The following PGCKA1 variants were observed in gnomAD, a reference collection of about 807,000 sequenced individuals.
PGCKA1 encodes PDCD10 and GCKIII kinases-associated protein 1.
the PGCKA1 span, among the ~76,000 whole-genome samples, chr4:37,534,514 T>C: frequency 1.4e-4 from 21 of 152,242 alleles, no homozygotes; most frequent in Non-Finnish European, 2.6e-4. Context: ...AGCTTCCTTA[T>C]GGAATTTACA....
At chr4:37,513,991 C>G in the PGCKA1 span, among the ~76,000 whole-genome samples, 54 of 152,254 alleles carry the variant, frequency 3.5e-4, no homozygotes, top group South Asian at 0.01. Flanking sequence ...AACAGAACAC[C>G]CTGGGACTGC....
chr4:37,591,678 C>G, the PGCKA1 span: 1 of 152,170 alleles, frequency 6.6e-6, no homozygotes, highest in Non-Finnish European at 1.5e-5. Flanking sequence ...TTTAAATCTC[C>G]TTTGGGATTG....
the PGCKA1 span, among the ~76,000 whole-genome samples, chr4:37,488,323 C>A: frequency 6.6e-5 from 10 of 152,092 alleles, no homozygotes. Flanking sequence ...GTGGGAGAAT[C>A]AAGATTTGGA....
chr4:37,520,320 A>T, the PGCKA1 span, among the ~76,000 whole-genome samples: 1 of 152,168 alleles, frequency 6.6e-6, no homozygotes, highest in African/African-American at 2.4e-5. Context: ...GAATAGCTTG[A>T]GTAGCGTTGG....
the PGCKA1 span, among the ~76,000 whole-genome samples, chr4:37,568,679 C>T: frequency 1.3e-5 from 2 of 152,238 alleles, no homozygotes; most frequent in Admixed American, 6.5e-5. Flanking sequence ...GTTCACAAAC[C>T]ACTGGGCGTG....
chr4:37,579,534 A>G, the PGCKA1 span, among the ~76,000 whole-genome samples: 1 of 152,266 alleles, frequency 6.6e-6, no homozygotes, highest in Non-Finnish European at 1.5e-5. Flanking sequence ...TGCCACAAAC[A>G]CTATTCCAGT....
the PGCKA1 span, among the ~76,000 whole-genome samples, chr4:37,580,527 A>G: frequency 2.6e-5 from 4 of 152,182 alleles, no homozygotes; most frequent in Non-Finnish European, 4.4e-5. Flanking sequence ...TTGCAGACTC[A>G]TAGAGGTATC....
chr4:37,521,567 T>A, the PGCKA1 span, among the ~76,000 whole-genome samples: 3 of 152,322 alleles, frequency 2.0e-5, no homozygotes, highest in African/African-American at 7.2e-5. Context: ...ATTATTTCTA[T>A]TTTTTTAAAT....
At chr4:37,543,321 G>A in the PGCKA1 span, among the ~76,000 whole-genome samples, 1 of 152,188 alleles carries the variant, frequency 6.6e-6, no homozygotes, top group African/African-American at 2.4e-5. Flanking sequence ...ATTTGGGTTA[G>A]AGGAATTTTA....
At chr4:37,487,987 T>C in the PGCKA1 span, among the ~76,000 whole-genome samples, 3 of 152,190 alleles carry the variant, frequency 2.0e-5, no homozygotes, top group Non-Finnish European at 2.9e-5. Flanking sequence ...TTTGGGGCTA[T>C]TATGAATAAA....
chr4:37,508,474 G>A, the PGCKA1 span, among the ~76,000 whole-genome samples: 1 of 151,742 alleles, frequency 6.6e-6, no homozygotes, highest in African/African-American at 2.4e-5. Flanking sequence ...TCATCTGTTT[G>A]ACCAATTCTG....
At chr4:37,517,679 G>A in the PGCKA1 span, among the ~76,000 whole-genome samples, 3 of 152,204 alleles carry the variant, frequency 2.0e-5, no homozygotes, top group South Asian at 2.1e-4. Context: ...TTGTGATACA[G>A]GCATGCAATG....
At chr4:37,538,697 C>T in the PGCKA1 span, among the ~76,000 whole-genome samples, 876 of 152,300 alleles carry the variant, frequency 5.8e-3, 13 homozygotes, top group African/African-American at 0.02. Context: ...TGATGCCTTG[C>T]AGATTATCAT....
chr4:37,530,083 T>G, the PGCKA1 span, among the ~76,000 whole-genome samples: 1,256 of 152,318 alleles, frequency 8.2e-3, 14 homozygotes, highest in African/African-American at 0.029. Flanking sequence ...TTTAAAACTT[T>G]TTATCTTCCA....
the PGCKA1 span, among the ~76,000 whole-genome samples, chr4:37,516,982 C>T: frequency 9.9e-5 from 15 of 152,170 alleles, no homozygotes; most frequent in African/African-American, 3.1e-4. Context: ...GTAGGCCAGG[C>T]GCTGTGGCTC....
At chr4:37,470,635 C>T in the PGCKA1 span, among the ~76,000 whole-genome samples, 1 of 152,260 alleles carries the variant, frequency 6.6e-6, no homozygotes, top group East Asian at 1.9e-4. Context: ...GAAGATGGCT[C>T]AGAAGCTTCA....
the PGCKA1 span, among the ~76,000 whole-genome samples, chr4:37,481,416 G>A: frequency 0.01 from 1,428 of 136,676 alleles, 20 homozygotes; most frequent in African/African-American, 0.038. Flanking sequence ...AGTGAGCCAA[G>A]ATCGCACCAC....
chr4:37,499,473 A>G, the PGCKA1 span, among the ~76,000 whole-genome samples: 1 of 151,892 alleles, frequency 6.6e-6, no homozygotes, highest in Admixed American at 6.6e-5. Flanking sequence ...TATATTTCTG[A>G]TTCAATTTTG....
At chr4:37,491,067 G>A in the PGCKA1 span, among the ~76,000 whole-genome samples, 1 of 152,028 alleles carries the variant, frequency 6.6e-6, no homozygotes, top group South Asian at 2.1e-4. Context: ...AGAATATAAA[G>A]AGCCTGCAGA....
Sources: gnomAD v4.1 joint callset for allele counts (sites outside exome capture counted in the v4.1 genomes callset) on GRCh38, gnomAD v4.1.1 for gene constraint, MANE v1.5 for transcripts, NCBI Gene and HGNC (gene_info 2026-07-23, HGNC 2026-07-21) for gene names.